Variants in UBR3 observed in about 807,000 individuals in gnomAD.
UBR3 encodes the protein ubiquitin protein ligase E3 component n-recognin 3.
In UBR3, 85 loss-of-function variants were observed where a neutral mutation model predicts 243.2. The ratio of observed to expected loss-of-function variants is 0.35; its 90% CI spans 0.29 to 0.42. The LOEUF (loss-of-function observed/expected upper bound fraction) is 0.42, where lower values mean the gene tolerates loss of function less well. Ranked by LOEUF, UBR3 falls within the 10% of genes least tolerant of loss-of-function variation. The probability of loss-of-function intolerance (pLI) is 1.00; values close to 1 mark genes in which losing one functional copy is unlikely to be tolerated. For missense variants in UBR3, 1,686 were observed against 2,300.8 expected (o/e 0.73, Z 5.47); for synonymous variants, 748 against 799.8 (o/e 0.94, Z 1.09).
chr2:170,005,153 G>A (rs182560095), intron 27 of UBR3, among the ~76,000 whole-genome samples: 3 of 152,320 alleles, frequency 2.0e-5, no homozygotes, highest in Non-Finnish European at 4.4e-5. Context: ...GAACCCTGGA[G>A]GCGGAGTTTG....
chr2:169,947,343 AG>A, intron 21 of UBR3, 198 bp from the exon 22 acceptor site: 1 of 374,948 alleles, frequency 2.7e-6, no homozygotes, highest in Non-Finnish European at 4.7e-6. Context: ...TACCCATATT[AG>A]TATTGAGATA....
intron 20 of UBR3, 24 bp downstream of exon 20, chr2:169,942,658 A>C: frequency 6.8e-7 from 1 of 1,480,212 alleles, no homozygotes; most frequent in Non-Finnish European, 8.9e-7. Flanking sequence ...TTGAATAGAA[A>C]GACTAAGCTT....
intron 19 of UBR3, 82 bp from the exon 20 acceptor site, chr2:169,942,411 A>C (rs560836384): frequency 1.9e-5 from 26 of 1,348,046 alleles, no homozygotes; most frequent in Admixed American, 5.4e-5. Context: ...TTGTGACAGA[A>C]ATTGGTGTCT....
At chr2:169,962,399 G>T (rs1196749371) in intron 24 of UBR3, among the ~76,000 whole-genome samples, 1 of 152,072 alleles carries the variant, frequency 6.6e-6, no homozygotes, top group Non-Finnish European at 1.5e-5. Context: ...AATGACTGCA[G>T]GTTTGACAGC....
intron 1 of UBR3, among the ~76,000 whole-genome samples, chr2:169,859,261 T>A (rs1474374236): frequency 6.6e-6 from 1 of 151,980 alleles, no homozygotes; most frequent in African/African-American, 2.4e-5. Flanking sequence ...TTGGTAGAGA[T>A]GGGGTTTCAC....
chr2:169,892,448 G>T (rs1031199413), intron 6 of UBR3, among the ~76,000 whole-genome samples: 11 of 152,304 alleles, frequency 7.2e-5, no homozygotes, highest in South Asian at 4.2e-4. Context: ...TCTGACTGAA[G>T]ATACTTTTTA....
At chr2:169,860,045 C>T (rs2083035654) in intron 1 of UBR3, among the ~76,000 whole-genome samples, 1 of 152,028 alleles carries the variant, frequency 6.6e-6, no homozygotes, top group Admixed American at 6.6e-5. Context: ...AAGTTTGATA[C>T]AGTTCTATTA....
chr2:169,973,431 G>C (rs1220358600), intron 24 of UBR3, among the ~76,000 whole-genome samples: 1 of 150,320 alleles, frequency 6.7e-6, no homozygotes, highest in African/African-American at 2.5e-5. Context: ...AGTTCATATG[G>C]AACCAAAAAA....
At chr2:169,888,768 T>C (rs1045300431) in intron 5 of UBR3, among the ~76,000 whole-genome samples, 1 of 152,224 alleles carries the variant, frequency 6.6e-6, no homozygotes, top group African/African-American at 2.4e-5. Flanking sequence ...TTCCCTGTTT[T>C]AAAATAGCAT....
chr2:169,828,035 C>T lies in UBR3; in HGVS notation c.528C>T (p.Asn176=), dbSNP rs768643979. Residue 176 remains asparagine (N), a synonymous_variant, in exon 1 of 39, where the codon AAC becomes AAT. Coordinates refer to ENST00000272793, the MANE Select transcript of UBR3 (RefSeq NM_172070.4). ...GCGCCTGCGACTGCGGGGACAGCAA[C>T]GTGATGCGGGAGAGCGGGTGAGTGG... is the stretch of plus-strand genomic sequence containing the variant. ...AGGACDCGDS[N]VMRESGFCKR... The T allele has an allele frequency of 2.1e-5, 29 of 1,390,556 alleles. No homozygotes were observed. In the South Asian group the frequency reaches 3.8e-4, roughly 18 times the overall value. The allele number at this position is 1,390,556 out of a possible 1,614,324, so 86.1% of individuals were successfully genotyped here.
At chr2:170,007,347 T>C in intron 28 of UBR3, 157 bp downstream of exon 28, 1 of 752,408 alleles carries the variant, frequency 1.3e-6, no homozygotes, top group South Asian at 2.0e-5. Flanking sequence ...TAAATAAAAG[T>C]AATAGAACAA....
intron 32 of UBR3, among the ~76,000 whole-genome samples, chr2:170,043,254 A>C (rs1455025679): frequency 6.6e-6 from 1 of 152,158 alleles, no homozygotes; most frequent in Non-Finnish European, 1.5e-5. Context: ...TCTAAAGAGA[A>C]AAATATTTTA....
intron 24 of UBR3, among the ~76,000 whole-genome samples, chr2:169,960,648 C>T (rs771585612): frequency 1.3e-5 from 2 of 151,902 alleles, no homozygotes; most frequent in South Asian, 2.1e-4. Flanking sequence ...ATCTTGATAC[C>T]GCTTCATATA....
intron 8 of UBR3, among the ~76,000 whole-genome samples, chr2:169,900,438 A>G (rs1410397017): frequency 6.6e-6 from 1 of 152,174 alleles, no homozygotes; most frequent in Non-Finnish European, 1.5e-5. Flanking sequence ...CCCATTCTGT[A>G]GGTTGCCTGT....
intron 24 of UBR3, among the ~76,000 whole-genome samples, chr2:169,969,782 C>A (rs988514212): frequency 6.9e-6 from 1 of 144,536 alleles, no homozygotes; most frequent in Admixed American, 6.8e-5. Context: ...ATCTCCTGAC[C>A]TCGTGATCCG....
intron 24 of UBR3, among the ~76,000 whole-genome samples, chr2:169,983,461 A>T (rs963863218): frequency 6.6e-6 from 1 of 151,916 alleles, no homozygotes; most frequent in African/African-American, 2.4e-5. Context: ...GGGTTTTGCC[A>T]TGTTGTCCAG....
intron 19 of UBR3, among the ~76,000 whole-genome samples, chr2:169,935,261 A>T (rs1559110283): frequency 6.6e-6 from 1 of 152,094 alleles, no homozygotes; most frequent in Non-Finnish European, 1.5e-5. Flanking sequence ...CAACTTCTGG[A>T]CTCAAGTGAT....
intron 29 of UBR3, among the ~76,000 whole-genome samples, chr2:170,009,428 C>T (rs1042157064): frequency 3.9e-5 from 6 of 152,176 alleles, no homozygotes; most frequent in African/African-American, 1.2e-4. Flanking sequence ...AGGGATCAGG[C>T]ATGTTCTAAA....
intron 15 of UBR3, 22 bp downstream of exon 15, chr2:169,926,766 C>G: frequency 6.5e-7 from 1 of 1,547,354 alleles, no homozygotes; most frequent in East Asian, 2.4e-5. Context: ...TTTATTAAGA[C>G]AGGTATTAGG....
Sources: gnomAD v4.1 joint callset for allele counts (sites outside exome capture counted in the v4.1 genomes callset) on GRCh38, gnomAD v4.1.1 for gene constraint, MANE v1.5 for transcripts, NCBI Gene and HGNC (gene_info 2026-07-23, HGNC 2026-07-21) for gene names.